The following ADAMTS3 variants were observed in gnomAD, a reference collection of about 807,000 sequenced individuals.
The protein encoded by ADAMTS3 is A disintegrin and metalloproteinase with thrombospondin motifs 3.
In ADAMTS3, 73 loss-of-function variants were observed where a neutral mutation model predicts 129.0. The ratio of observed to expected loss-of-function variants is 0.57; its 90% CI spans 0.47 to 0.69. The LOEUF is 0.69. Ranked by LOEUF, ADAMTS3 falls within the 30% of genes least tolerant of loss-of-function variation. The probability of loss-of-function intolerance (pLI) is 0.00; values close to 1 mark genes in which losing one functional copy is unlikely to be tolerated. For synonymous variants in ADAMTS3, 477 were observed against 510.8 expected, an observed-to-expected ratio of 0.93 and a Z score of 0.89; for missense variants, 1,457 against 1,514.5, an observed-to-expected ratio of 0.96 and a Z score of 0.63.
At position 72,283,299 on chromosome 4, in the gene ADAMTS3, G is replaced by A. The variant is rs1400422866; in HGVS notation, c.3455C>T (p.Pro1152Leu). The change falls in exon 22 of 22, where the codon CCC (proline) becomes CTC (leucine). Residue 1152 changes from proline (P) to leucine (L), a missense_variant. Pro to Leu is a moderately conservative substitution (Grantham distance 98, BLOSUM62 -3). Transcript: ENST00000286657. ...VRLVTVPSSP[P>L]TKRVHLSSAS... ...TGAACTGAGGTGGACCCTCTTGGTG[G>A]GTGGGGAGGATGGTACGGTGACCAG... The A allele has an allele frequency of 1.2e-6, 2 of 1,613,870 alleles. No individual in the cohort carries two copies. The highest frequency in any genetic ancestry group is 1.3e-5 in the African/African-American group (1 of 74,902).
intron 15 of ADAMTS3, among the ~76,000 whole-genome samples, 185 bp from the exon 16 acceptor site, chr4:72,306,252 G>C (rs1416930572): frequency 2.0e-5 from 3 of 151,944 alleles, no homozygotes; most frequent in Admixed American, 6.6e-5. Flanking sequence ...CATGAAATTA[G>C]AGGCAACTTT....
In ADAMTS3 at chr4:72,548,818, C is replaced by T. The variant is rs374628791; in HGVS notation, c.164G>A (p.Arg55His). 11 of 1,613,680 alleles carry T rather than the reference C, an allele frequency of 6.8e-6. No individual in the cohort carries two copies. The highest frequency in any genetic ancestry group is 4.0e-5 in the African/African-American group (3 of 74,878). Residue 55 changes from arginine to histidine, a missense_variant, in exon 3 of 22, where the codon CGC (arginine) becomes CAC (histidine). Physicochemically the swap from Arg to His is conservative, Grantham distance 29. Transcript: ENST00000286657. ...VTPVSTNLEG[R>H]YLSHTLSASH... Reference sequence around the variant, plus strand: ...CGCAGAAAGAGTATGGGAGAGATAGCGTCCTTCTAGATTTGTGCTGACTGG... The same window carrying T: ...CGCAGAAAGAGTATGGGAGAGATAGTGTCCTTCTAGATTTGTGCTGACTGG...
At position 72,291,043 on chromosome 4, in the gene ADAMTS3, C is replaced by T. The variant is rs1298590287; in HGVS notation, c.2743G>A (p.Glu915Lys). The change falls in exon 20 of 22, where the codon GAA becomes AAA. Residue 915 changes from glutamate (E) to lysine (K), a missense_variant. Coordinates refer to ENST00000286657, the MANE Select transcript of ADAMTS3 (RefSeq NM_014243.3). ...CTTCCACAGGTTTTGGTGCAGTGTT[C>T]CCATTCTTCTGCTACCCAGCTGTGG... ...THPLWVAEEW[E>K]HCTKTCGSSG... 6.2e-7 allele frequency: 1 copy of T among 1,613,902 alleles called. No individual in the cohort carries two copies. The highest frequency in any genetic ancestry group is 1.7e-5 in the Admixed American group (1 of 60,006).
chr4:72,548,349 C>A, intron 3 of ADAMTS3, 129 bp downstream of exon 3: 5 of 999,346 alleles, frequency 5.0e-6, no homozygotes, highest in East Asian at 2.5e-5. Context: ...TTTCTAGTGT[C>A]TTTTTCTGAA....
At chr4:72,341,834 G>C (rs1167008182) in intron 4 of ADAMTS3, among the ~76,000 whole-genome samples, 1 of 152,154 alleles carries the variant, frequency 6.6e-6, no homozygotes, top group Non-Finnish European at 1.5e-5. Flanking sequence ...GAAGAAGGAA[G>C]CCTTTGAAAA....
At chr4:72,540,456 A>G (rs144064722) in intron 3 of ADAMTS3, among the ~76,000 whole-genome samples, 2,903 of 152,296 alleles carry the variant, frequency 0.019, 44 homozygotes, top group Middle Eastern at 0.041. Context: ...TAGGAAAGAA[A>G]ATGTCATTTT....
rs764287267 is a variant in ADAMTS3, at chr4:72,323,021, T to C, written c.938A>G (p.Tyr313Cys). 2.4e-5 allele frequency: 38 copies of C among 1,612,478 alleles called. No homozygotes were observed. Among genetic ancestry groups the C allele is most frequent in the Non-Finnish European group, 3.1e-5 (37 of 1,178,804 alleles). ...TGTTTTAAGACATTTTACCTTTGCATATCCCAGCATTATCATGCGCACCAG... is the reference window on the plus strand; with the variant it reads ...TGTTTTAAGACATTTTACCTTTGCACATCCCAGCATTATCATGCGCACCAG... Reference protein sequence around the residue: ...VVLVRMIMLGYAKSISLIERG... With the variant: ...VVLVRMIMLGCAKSISLIERG... Residue 313 changes from tyrosine to cysteine, a missense_variant, in exon 6 of 22, where the codon TAT becomes TGT. By Grantham distance (194) the Tyr-to-Cys change is radical. Coordinates refer to ENST00000286657, the MANE Select transcript of ADAMTS3 (RefSeq NM_014243.3).
intron 4 of ADAMTS3, among the ~76,000 whole-genome samples, chr4:72,360,739 A>G (rs1560486271): frequency 1.3e-5 from 2 of 152,196 alleles, no homozygotes; most frequent in East Asian, 3.9e-4. Context: ...TAATACTTAT[A>G]ATACTTTCCA....
chr4:72,533,689 A>ATATC (rs1332101428), intron 3 of ADAMTS3, among the ~76,000 whole-genome samples: 1 of 151,780 alleles, frequency 6.6e-6, no homozygotes, highest in Non-Finnish European at 1.5e-5. Context: ...GCACACATGT[A>ATATC]TATATACTTT....
At chr4:72,457,395 A>T (rs1161642004) in intron 3 of ADAMTS3, among the ~76,000 whole-genome samples, 2 of 151,136 alleles carry the variant, frequency 1.3e-5, no homozygotes, top group Admixed American at 1.3e-4. Context: ...GTCTAGTATT[A>T]GTCAGGCAGA....
chr4:72,427,109 T>A (rs994733195), intron 3 of ADAMTS3, among the ~76,000 whole-genome samples: 1 of 152,114 alleles, frequency 6.6e-6, no homozygotes, highest in Non-Finnish European at 1.5e-5. Context: ...CTGACTGGTG[T>A]CAAGGTGTTA....
chr4:72,330,207 T>C (rs1430558135), intron 5 of ADAMTS3, among the ~76,000 whole-genome samples: 1 of 151,954 alleles, frequency 6.6e-6, no homozygotes, highest in East Asian at 1.9e-4. Flanking sequence ...TTGGTAGTCA[T>C]GGGGTTTCAC....
intron 4 of ADAMTS3, among the ~76,000 whole-genome samples, chr4:72,363,833 C>T (rs879500006): frequency 4.0e-5 from 6 of 151,852 alleles, no homozygotes; most frequent in South Asian, 2.1e-4. Flanking sequence ...AAACCTTAAG[C>T]GTGGGAAAGG....
rs751931397 is a variant in ADAMTS3, at chr4:72,295,804, G to A, written c.2591-18C>T. 1 of 1,607,470 alleles carries A rather than the reference G, an allele frequency of 6.2e-7. No homozygotes were observed. The highest frequency in any genetic ancestry group is 8.5e-7 in the Non-Finnish European group (1 of 1,177,174). On this transcript the variant is annotated intron_variant, in intron 18 of 21. Transcript: ENST00000286657. ...CTGGAAACCTGGAAAAGGAAATAAA[G>A]TTCTTTGGATTTAATCACTTCTTCA... is the stretch of plus-strand genomic sequence containing the variant.
At position 72,463,632 on chromosome 4, in the gene ADAMTS3, G is replaced by T. The variant is rs185475161; in HGVS notation, c.505-48661C>A. On this transcript the variant is annotated intron_variant, in intron 3 of 21. Transcript: ENST00000286657. Reference sequence around the variant, plus strand: ...CTGCCACTGCCCAAAAATAATGGTGGGATTTAGTTGACATTTTTTTACTAT... The same window carrying T: ...CTGCCACTGCCCAAAAATAATGGTGTGATTTAGTTGACATTTTTTTACTAT... Among the ~76,000 whole-genome samples, 726 of 150,434 alleles carry T rather than the reference G, an allele frequency of 4.8e-3. 1 individual carries two copies. Among genetic ancestry groups the T allele is most frequent in the African/African-American group, 0.017 (690 of 40,918 alleles).
At chr4:72,369,075 A>C (rs1200979680) in intron 4 of ADAMTS3, among the ~76,000 whole-genome samples, 1 of 152,228 alleles carries the variant, frequency 6.6e-6, no homozygotes, top group African/African-American at 2.4e-5. Flanking sequence ...AAACACACAG[A>C]TTGCAAAGAA....
intron 3 of ADAMTS3, among the ~76,000 whole-genome samples, chr4:72,426,580 C>A (rs983300134): frequency 1.3e-5 from 2 of 152,030 alleles, no homozygotes; most frequent in Non-Finnish European, 2.9e-5. Context: ...AATCAAACAA[C>A]AATATAACAA....
chr4:72,295,860 C>T (rs1418829675), intron 18 of ADAMTS3, 74 bp from the exon 19 acceptor site: 2 of 1,520,170 alleles, frequency 1.3e-6, no homozygotes, highest in African/African-American at 1.4e-5. Flanking sequence ...TTCACTTACT[C>T]ATTCATACAT....
chr4:72,410,940 G>A (rs939399457), intron 4 of ADAMTS3, among the ~76,000 whole-genome samples: 14 of 151,996 alleles, frequency 9.2e-5, no homozygotes, highest in African/African-American at 2.9e-4. Context: ...GATGCTATTC[G>A]TTTGCTAGAA....
Sources: gnomAD v4.1 joint callset for allele counts (sites outside exome capture counted in the v4.1 genomes callset) on GRCh38, gnomAD v4.1.1 for gene constraint, MANE v1.5 for transcripts, NCBI Gene and HGNC (gene_info 2026-07-23, HGNC 2026-07-21) for gene names.